SLC4A7: variants seen among roughly 807,000 people sequenced by gnomAD.
The protein encoded by SLC4A7 is solute carrier family 4 member 7, also known as sodium bicarbonate cotransporter 3.
SLC4A7 carries 51 observed loss-of-function variants against 137.6 expected under a neutral mutation model. That is an observed-to-expected ratio of 0.37 (90% CI 0.30 to 0.47). SLC4A7 has a LOEUF of 0.47. SLC4A7 is among the 20% of genes least tolerant of loss of function. The pLI is 1.00. For synonymous variants in SLC4A7, 542 were observed against 518.6 expected, an observed-to-expected ratio of 1.05 and a Z score of -0.61; for missense variants, 1,247 against 1,525.4, an observed-to-expected ratio of 0.82 and a Z score of 3.04.
rs1349713470 is a variant in SLC4A7, at chr3:27,374,407, A to G, written c.*2357T>C. The G allele has an allele frequency of 6.6e-6, 1 of 152,556 alleles. No homozygotes were observed. The highest frequency in any genetic ancestry group is 2.4e-5 in the African/African-American group (1 of 41,464). 9.5% of individuals were successfully genotyped at this position (152,556 alleles called of 1,614,324 possible). On this transcript the variant is annotated 3_prime_UTR_variant, in exon 26 of 26. Coordinates refer to ENST00000454389, the MANE Select transcript of SLC4A7 (RefSeq NM_001321103.2). ...ACTTATTTAAGGCAACTTTATTTAA[A>G]AATCAATATATGTAGTAAATTATAT...
At chr3:27,460,052 T>G (rs929634270) in intron 1 of SLC4A7, among the ~76,000 whole-genome samples, 2 of 151,286 alleles carry the variant, frequency 1.3e-5, no homozygotes, top group Non-Finnish European at 2.9e-5. Flanking sequence ...TTTTTTTTCT[T>G]TTGAGACAGG....
At chr3:27,454,092 C>G (rs1473043047) in intron 1 of SLC4A7, among the ~76,000 whole-genome samples, 1 of 152,124 alleles carries the variant, frequency 6.6e-6, no homozygotes, top group Non-Finnish European at 1.5e-5. Flanking sequence ...GGGAGTATCA[C>G]TTAAGCTAGG....
intron 3 of SLC4A7, among the ~76,000 whole-genome samples, chr3:27,447,963 G>C (rs2057786349): frequency 6.6e-6 from 1 of 152,028 alleles, no homozygotes; most frequent in Admixed American, 6.6e-5. Context: ...TGTAATCCCA[G>C]CACTTTGGGA....
chr3:27,463,596 G>A (rs1233838571), intron 1 of SLC4A7, among the ~76,000 whole-genome samples: 1 of 152,102 alleles, frequency 6.6e-6, no homozygotes, highest in East Asian at 1.9e-4. Flanking sequence ...TAATCCTAGT[G>A]AGACAGCCAA....
rs975099064 is a variant in SLC4A7, at chr3:27,379,334, T to C, written c.3613A>G (p.Ile1205Val). 4.6e-6 allele frequency: 7 copies of C among 1,532,882 alleles called. No individual in the cohort carries two copies. Among genetic ancestry groups the C allele is most frequent in the East Asian group, 4.9e-5 (2 of 40,866 alleles). 95.0% of individuals were successfully genotyped at this position (1,532,882 alleles called of 1,614,324 possible). ...KYSVDPSIVN[I>V]SDEMAKTAQW... Reference sequence around the variant, plus strand: ...GCAGTTTTGGCCATTTCATCTGATATGTTAACAATTGAGGGATCAACACTG... The same window carrying C: ...GCAGTTTTGGCCATTTCATCTGATACGTTAACAATTGAGGGATCAACACTG... Residue 1205 changes from isoleucine to valine, a missense_variant, in exon 25 of 26, where the codon ATA (isoleucine) becomes GTA (valine). Ile to Val is a conservative substitution (Grantham distance 29). This residue lies in a region of SLC4A7 where 290 missense variants were observed against 323.8 expected (regional missense o/e 0.90). Transcript: ENST00000454389.
At chr3:27,404,442 T>C (rs2053127842) in intron 14 of SLC4A7, among the ~76,000 whole-genome samples, 1 of 152,212 alleles carries the variant, frequency 6.6e-6, no homozygotes, top group Admixed American at 6.5e-5. Context: ...ACAGCTACAG[T>C]ACCCTATATT....
Position 27,374,461 on chromosome 3 carries a change from TTTGA to T in SLC4A7, c.*2299_*2302del, listed in dbSNP as rs1405478252. On this transcript the variant is annotated 3_prime_UTR_variant, in exon 26 of 26. Transcript: ENST00000454389. The stretch of plus-strand genomic sequence containing the variant: ...TCACTGTCTCTCAATGAATGCTATC[TTTGA>T]TTATTTTTCAAAAACAGTGGAAGAA... 6.6e-6 allele frequency: 1 copy of T among 152,524 alleles called. No homozygotes were observed. 9.4% of individuals were successfully genotyped at this position (152,524 alleles called of 1,614,324 possible).
intron 25 of SLC4A7, among the ~76,000 whole-genome samples, chr3:27,378,031 GAC>G (rs2050067504): frequency 6.6e-6 from 1 of 152,188 alleles, no homozygotes; most frequent in Non-Finnish European, 1.5e-5. Flanking sequence ...CAGAGGTGCT[GAC>G]ACAGTGTGAA....
At chr3:27,438,245 G>A (rs912920223) in intron 3 of SLC4A7, among the ~76,000 whole-genome samples, 2 of 150,714 alleles carry the variant, frequency 1.3e-5, no homozygotes, top group Admixed American at 6.7e-5. Flanking sequence ...AGTGGCTCAC[G>A]CCTGTAATTC....
intron 22 of SLC4A7, among the ~76,000 whole-genome samples, chr3:27,389,599 A>G (rs978559128): frequency 6.6e-6 from 1 of 152,190 alleles, no homozygotes; most frequent in African/African-American, 2.4e-5. Flanking sequence ...AAGTATTTTA[A>G]TAATGAACCA....
rs1174569778 is a variant in SLC4A7, at chr3:27,375,639, T to G, written c.*1125A>C. 1 of 152,450 alleles carries G rather than the reference T, an allele frequency of 6.6e-6. No individual in the cohort carries two copies. The highest frequency in any genetic ancestry group is 1.5e-5 in the Non-Finnish European group (1 of 67,884). 9.4% of individuals were successfully genotyped at this position (152,450 alleles called of 1,614,324 possible). On this transcript the variant is annotated 3_prime_UTR_variant, in exon 26 of 26. Coordinates refer to ENST00000454389, the MANE Select transcript of SLC4A7 (RefSeq NM_001321103.2). The stretch of plus-strand genomic sequence containing the variant: ...AACATAAATGAAAGTAAGCACCAAC[T>G]ATTTACATTAACAATTTACTCTATT...
At chr3:27,405,880 A>C (rs972137777) in intron 13 of SLC4A7, among the ~76,000 whole-genome samples, 37 of 152,250 alleles carry the variant, frequency 2.4e-4, no homozygotes, top group African/African-American at 8.4e-4. Context: ...TAGTATACTA[A>C]TTTTGTACAA....
At chr3:27,392,420 T>C (rs9810587) in intron 20 of SLC4A7, among the ~76,000 whole-genome samples, 6,052 of 152,228 alleles carry the variant, frequency 0.04, 141 homozygotes, top group East Asian at 0.067. Context: ...AGAAGTGTAC[T>C]ATAAGGAACA....
chr3:27,395,158 G>A (rs1274458735), intron 18 of SLC4A7, 43 bp from the exon 19 acceptor site: 2 of 1,420,330 alleles, frequency 1.4e-6, no homozygotes. Flanking sequence ...TCTCCTTGCT[G>A]TATTGCACTA....
At chr3:27,433,852 A>C in intron 6 of SLC4A7, 64 bp downstream of exon 6, 1 of 1,354,988 alleles carries the variant, frequency 7.4e-7, no homozygotes, top group Middle Eastern at 1.8e-4. Context: ...TGTTAATCGT[A>C]ACATACTGGA....
intron 1 of SLC4A7, among the ~76,000 whole-genome samples, chr3:27,465,953 CA>C (rs869147513): frequency 4.2e-4 from 51 of 122,534 alleles, no homozygotes; most frequent in African/African-American, 1.0e-3. Flanking sequence ...GAGTCCGTCT[CA>C]AAAAAAAAAA....
chr3:27,388,376 T>A (rs146573033), intron 22 of SLC4A7, among the ~76,000 whole-genome samples: 2 of 152,148 alleles, frequency 1.3e-5, no homozygotes, highest in African/African-American at 4.8e-5. Flanking sequence ...TTGAGAAAAA[T>A]TGCATAGGTT....
Position 27,374,916 on chromosome 3 carries a change from G to T in SLC4A7, c.*1848C>A, listed in dbSNP as rs1322958049. ...CAAATAAAAAGGAATCATTACAATGGAAGCTCATAAACAATAATAAGCACC... is the reference window on the plus strand; with the variant it reads ...CAAATAAAAAGGAATCATTACAATGTAAGCTCATAAACAATAATAAGCACC... On this transcript the variant is annotated 3_prime_UTR_variant, in exon 26 of 26. Coordinates refer to ENST00000454389, the MANE Select transcript of SLC4A7 (RefSeq NM_001321103.2). The T allele has an allele frequency of 1.3e-5, 2 of 152,392 alleles. No individual in the cohort carries two copies. The highest frequency in any genetic ancestry group is 4.8e-5 in the African/African-American group (2 of 41,410). 9.4% of individuals were successfully genotyped at this position (152,392 alleles called of 1,614,324 possible).
chr3:27,377,248 A>T (rs1397859283), intron 25 of SLC4A7, among the ~76,000 whole-genome samples: 4 of 152,158 alleles, frequency 2.6e-5, no homozygotes, highest in Admixed American at 1.3e-4. Context: ...ATTTCCAAGA[A>T]GGTTATAAAT....
Sources: allele counts gnomAD v4.1 joint callset (sites outside exome capture counted in the v4.1 genomes callset), GRCh38; gene constraint gnomAD v4.1.1; regional missense constraint gnomAD v4.1.1; transcripts MANE v1.5; gene names NCBI Gene and HGNC (gene_info 2026-07-23, HGNC 2026-07-21).